Variants in NRP1 observed in about 807,000 individuals in gnomAD.
NRP1 encodes the protein neuropilin 1.
NRP1 carries 35 observed loss-of-function variants against 106.7 expected under a neutral mutation model. That is an observed-to-expected ratio of 0.33 (90% CI 0.25 to 0.43). The LOEUF is 0.43. Ranked by LOEUF, NRP1 falls within the 20% of genes least tolerant of loss-of-function variation. The pLI, the probability that NRP1 is intolerant of heterozygous loss-of-function variation, is 1.00. For missense variants in NRP1, 1,024 were observed against 1,170.4 expected, an observed-to-expected ratio of 0.87 and a Z score of 1.83; for synonymous variants, 437 against 417.9, an observed-to-expected ratio of 1.05 and a Z score of -0.56.
intron 10 of NRP1, among the ~76,000 whole-genome samples, chr10:33,204,583 G>A (rs1231577586): frequency 6.6e-6 from 1 of 151,942 alleles, no homozygotes; most frequent in Non-Finnish European, 1.5e-5. Flanking sequence ...CATTCATCAA[G>A]CTGTTTCTAA....
rs761148975 is a variant in NRP1 at position 33,263,766 on chromosome 10, G to A, written c.538C>T (p.Pro180Ser). 6.2e-7 allele frequency: 1 copy of A among 1,613,516 alleles called. No individual in the cohort carries two copies. Among genetic ancestry groups the A allele is most frequent in the Non-Finnish European group, 8.5e-7 (1 of 1,179,478 alleles). ...TCCAGGATAATCTCTGACATCTTTG[G>A]CACAAAGACAATATAAGTGCATTCA... ...SLECTYIVFV[P>S]KMSEIILEFE... The change falls in exon 4 of 17, where the codon CCA becomes TCA. Residue 180 changes from proline to serine, a missense_variant. Around this residue, in one of 5 missense-constraint regions of NRP1, gnomAD observed 279 missense variants for 327.4 expected, o/e 0.85. Transcript: ENST00000374867.
intron 6 of NRP1, among the ~76,000 whole-genome samples, chr10:33,242,396 A>G (rs186812063): frequency 2.7e-3 from 419 of 152,366 alleles, no homozygotes; most frequent in Middle Eastern, 6.8e-3. Flanking sequence ...TTAAAACTAA[A>G]GAAGTAATAT....
At chr10:33,310,331 A>G (rs571691049) in intron 2 of NRP1, among the ~76,000 whole-genome samples, 3 of 139,484 alleles carry the variant, frequency 2.2e-5, no homozygotes, top group African/African-American at 5.3e-5. Flanking sequence ...GCTCACTGCA[A>G]CCTCCGCCTC....
At chr10:33,304,496 C>T (rs1462165479) in intron 2 of NRP1, among the ~76,000 whole-genome samples, 2 of 152,126 alleles carry the variant, frequency 1.3e-5, no homozygotes, top group East Asian at 3.8e-4. Context: ...TACTTATTAC[C>T]AATTATGACC....
In NRP1 at chr10:33,213,597, C is replaced by T. The variant is rs751563527; in HGVS notation, c.1403G>A (p.Arg468His). 28 of 1,614,054 alleles carry T rather than the reference C, an allele frequency of 1.7e-5. No homozygotes were observed. The Admixed American group carries it at 2.2e-4, about 12-fold the overall frequency. ...MPENIRLVTS[R>H]SGWALPPAPH... is the part of the protein sequence containing the mutation. ...TGCGGGTGGAAGTGCCCAGCCAGAG[C>T]GACTGGTTACCAGGCGGATGTTTTC... The change falls in exon 9 of 17, where the codon CGC becomes CAC. Residue 468 changes from arginine (R) to histidine (H), a missense_variant. Physicochemically the swap from Arg to His is conservative, Grantham distance 29. Around this residue, in one of 5 missense-constraint regions of NRP1, gnomAD observed 562 missense variants for 620.3 expected, o/e 0.91. Transcript: ENST00000374867.
chr10:33,180,957 C>T (rs909169393), intron 16 of NRP1, among the ~76,000 whole-genome samples: 14 of 152,336 alleles, frequency 9.2e-5, no homozygotes, highest in African/African-American at 3.1e-4. Flanking sequence ...TTGCTGCTGA[C>T]ATGTAAACAG....
intron 9 of NRP1, among the ~76,000 whole-genome samples, chr10:33,208,560 T>A (rs969003109): frequency 6.6e-6 from 1 of 152,088 alleles, no homozygotes; most frequent in African/African-American, 2.4e-5. Flanking sequence ...CCTCCTTATA[T>A]CCTCTTCTCC....
At chr10:33,301,883 C>T (rs1236261770) in intron 2 of NRP1, among the ~76,000 whole-genome samples, 1 of 152,024 alleles carries the variant, frequency 6.6e-6, no homozygotes, top group African/African-American at 2.4e-5. Flanking sequence ...GCAACTTTAC[C>T]CTTTATAAAC....
At chr10:33,203,471 C>T (rs904903360) in intron 10 of NRP1, among the ~76,000 whole-genome samples, 1 of 151,952 alleles carries the variant, frequency 6.6e-6, no homozygotes, top group African/African-American at 2.4e-5. Flanking sequence ...AGGGAGTCAA[C>T]GTTCACATTT....
intron 2 of NRP1, among the ~76,000 whole-genome samples, chr10:33,286,572 A>T (rs528819464): frequency 6.6e-6 from 1 of 152,288 alleles, no homozygotes; most frequent in African/African-American, 2.4e-5. Flanking sequence ...TCTCCCATAG[A>T]TGGCCCCAAG....
intron 12 of NRP1, chr10:33,194,628 C>G (rs578196885): frequency 2.2e-6 from 1 of 461,048 alleles, no homozygotes; most frequent in African/African-American, 2.0e-5. Flanking sequence ...GTGAACCGCT[C>G]TAAGTTTTTG....
intron 12 of NRP1, among the ~76,000 whole-genome samples, chr10:33,195,263 G>A (rs1836698789): frequency 6.6e-6 from 1 of 152,112 alleles, no homozygotes; most frequent in African/African-American, 2.4e-5. Context: ...ACAATCGTAG[G>A]TGATGAATAT....
intron 1 of NRP1, among the ~76,000 whole-genome samples, chr10:33,334,010 CATT>C (rs1309920883): frequency 6.6e-6 from 1 of 152,152 alleles, no homozygotes; most frequent in Non-Finnish European, 1.5e-5. Context: ...TGGGAGGAAA[CATT>C]ATTAAGATAA....
chr10:33,252,242 G>A (rs1254917357), intron 6 of NRP1, among the ~76,000 whole-genome samples: 3 of 151,982 alleles, frequency 2.0e-5, no homozygotes, highest in African/African-American at 7.2e-5. Flanking sequence ...TCTCCCTTCC[G>A]GCTCCCCCAG....
chr10:33,200,654 A>G (rs1432255750), intron 11 of NRP1, among the ~76,000 whole-genome samples: 1 of 152,220 alleles, frequency 6.6e-6, no homozygotes, highest in African/African-American at 2.4e-5. Context: ...TGTAGTCCTG[A>G]CAGCAAAACC....
At chr10:33,193,689 T>A (rs1836574784) in intron 12 of NRP1, among the ~76,000 whole-genome samples, 1 of 152,242 alleles carries the variant, frequency 6.6e-6, no homozygotes, top group African/African-American at 2.4e-5. Context: ...CTTCTTTAAC[T>A]TGCTTGTGTT....
chr10:33,282,813 T>G (rs1169793593), intron 2 of NRP1, among the ~76,000 whole-genome samples: 1 of 152,144 alleles, frequency 6.6e-6, no homozygotes, highest in East Asian at 1.9e-4. Flanking sequence ...TGGCACGATC[T>G]TGGCTCACTG....
intron 2 of NRP1, among the ~76,000 whole-genome samples, chr10:33,303,568 C>T (rs1845949527): frequency 6.6e-6 from 1 of 152,160 alleles, no homozygotes; most frequent in Non-Finnish European, 1.5e-5. Context: ...TGACCTGGGC[C>T]TTACTTCATT....
chr10:33,222,328 G>A (rs1839310910), intron 7 of NRP1, among the ~76,000 whole-genome samples: 1 of 152,054 alleles, frequency 6.6e-6, no homozygotes, highest in African/African-American at 2.4e-5. Context: ...GTCAAATAGC[G>A]TTCTCCCCTT....
Sources: gnomAD v4.1 joint callset for allele counts (sites outside exome capture counted in the v4.1 genomes callset) on GRCh38, gnomAD v4.1.1 for gene constraint, gnomAD v4.1.1 regional missense constraint, MANE v1.5 for transcripts, NCBI Gene and HGNC (gene_info 2026-07-23, HGNC 2026-07-21) for gene names.